The following RBBP8 variants were observed in gnomAD, a reference collection of about 807,000 sequenced individuals.
RBBP8 encodes DNA endonuclease RBBP8.
In RBBP8, 88 loss-of-function variants were observed where a neutral mutation model predicts 108.3. The observed-to-expected ratio is 0.81, with a 90% CI of 0.68 to 0.97. RBBP8 has a LOEUF of 0.97. RBBP8 is among the 50% of genes least tolerant of loss of function. The pLI is 0.00. For missense variants in RBBP8, 1,023 were observed against 1,049.0 expected, an observed-to-expected ratio of 0.98 and a Z score of 0.34; for synonymous variants, 332 against 348.2, an observed-to-expected ratio of 0.95 and a Z score of 0.52.
rs1303205284 is a variant in RBBP8, at chr18:22,993,446, A to G, written c.1619A>G (p.Asp540Gly). 14 of 1,614,264 alleles carry G rather than the reference A, an allele frequency of 8.7e-6. No individual in the cohort carries two copies. The highest frequency in any genetic ancestry group is 1.6e-4 in the Middle Eastern group (1 of 6,062). Residue 540 changes from aspartate (D) to glycine (G), a missense_variant, in exon 11 of 19, where the codon GAT (aspartate) becomes GGT (glycine). Transcript: ENST00000327155. The stretch of plus-strand genomic sequence containing the variant: ...TTTTCCTCAAGCCGTAAGGCCTCAG[A>G]TGGCAACTGCACGTTGCCCAAAGAT... ...KGFSSSRKAS[D>G]GNCTLPKDSP...
intron 12 of RBBP8, among the ~76,000 whole-genome samples, chr18:22,996,124 T>C (rs1385699481): frequency 6.6e-6 from 1 of 152,208 alleles, no homozygotes; most frequent in Non-Finnish European, 1.5e-5. Flanking sequence ...TGAGCATCCT[T>C]TCATGTTTAT....
intron 4 of RBBP8, among the ~76,000 whole-genome samples, chr18:22,953,159 AAGAGAGCTTTG>A (rs1255914040): frequency 6.6e-6 from 1 of 152,212 alleles, no homozygotes; most frequent in African/African-American, 2.4e-5. Flanking sequence ...CTGTACTTGT[AAGAGAGCTTTG>A]ACAAAGCTAA....
chr18:22,932,719 T>C (rs1027144179), upstream of RBBP8, among the ~76,000 whole-genome samples: 5 of 152,226 alleles, frequency 3.3e-5, no homozygotes, highest in Admixed American at 3.3e-4. Context: ...GAATACCTAC[T>C]ATCGGTTTGA....
intron 16 of RBBP8, among the ~76,000 whole-genome samples, chr18:23,007,804 GTT>G (rs567752393): frequency 6.7e-6 from 1 of 149,778 alleles, no homozygotes; most frequent in Non-Finnish European, 1.5e-5. Flanking sequence ...CTTTAAGCAT[GTT>G]TTGTTTTTTT....
In RBBP8 at chr18:22,993,709, T is replaced by C. The variant is rs1333764924; in HGVS notation, c.1813-12T>C. ...TGATTTCATTTAGAGCTAACAATTATTTCTGTTTTAGAGTGCTGGTTCTCA... is the reference window on the plus strand; with the variant it reads ...TGATTTCATTTAGAGCTAACAATTACTTCTGTTTTAGAGTGCTGGTTCTCA... On this transcript the variant is annotated splice_polypyrimidine_tract_variant and intron_variant, in intron 11 of 18. Coordinates refer to ENST00000327155, the MANE Select transcript of RBBP8 (RefSeq NM_002894.3). 3.1e-6 allele frequency: 5 copies of C among 1,614,084 alleles called. No homozygotes were observed. The African/African-American group carries it at 4.0e-5, about 13-fold the overall frequency.
chr18:22,992,944 G>C lies in RBBP8; in HGVS notation c.1117G>C (p.Glu373Gln). ...PFSNTCISRLEKTRSKSEDSA... is the reference protein window; with the variant it reads ...PFSNTCISRLQKTRSKSEDSA... ...TAGCAACACTTGTATATCTAGATTA[G>C]AAAAAACTAGATCAAAATCTGAAGA... Residue 373 changes from glutamate (E) to glutamine (Q), a missense_variant, in exon 11 of 19, where the codon GAA (glutamate) becomes CAA (glutamine). By Grantham distance (29) the Glu-to-Gln change is conservative (BLOSUM62 2). Coordinates refer to ENST00000327155, the MANE Select transcript of RBBP8 (RefSeq NM_002894.3). 1 of 1,613,198 alleles carries C rather than the reference G, an allele frequency of 6.2e-7. No homozygotes were observed. Among genetic ancestry groups the C allele is most frequent in the Admixed American group, 1.7e-5 (1 of 60,002 alleles).
intron 14 of RBBP8, among the ~76,000 whole-genome samples, chr18:22,999,862 A>G (rs76705476): frequency 9.0e-4 from 137 of 152,342 alleles, no homozygotes; most frequent in African/African-American, 3.1e-3. Context: ...CAAATCAAAC[A>G]AAAATAAATC....
chr18:23,025,553 G>A (rs573872001), intron 18 of RBBP8, among the ~76,000 whole-genome samples: 39 of 152,328 alleles, frequency 2.6e-4, no homozygotes, highest in African/African-American at 8.9e-4. Context: ...GTATGGCAGA[G>A]CAAATACTTC....
intron 2 of RBBP8, among the ~76,000 whole-genome samples, chr18:22,939,606 T>A (rs979075822): frequency 2.0e-5 from 3 of 152,182 alleles, no homozygotes; most frequent in African/African-American, 7.2e-5. Flanking sequence ...TAATGAGTTT[T>A]GAAATATGAA....
chr18:22,984,863 C>A (rs184681200), intron 7 of RBBP8, 23 bp from the exon 8 acceptor site: 740 of 1,338,498 alleles, frequency 5.5e-4, no homozygotes, highest in Admixed American at 1.5e-3. Context: ...ATTGTGTAAT[C>A]TCTTATTTTT....
At chr18:22,980,153 C>T (rs577783784) in intron 6 of RBBP8, among the ~76,000 whole-genome samples, 1 of 152,032 alleles carries the variant, frequency 6.6e-6, no homozygotes, top group East Asian at 1.9e-4. Flanking sequence ...GGCTGAGGCA[C>T]TAGAATCACT....
chr18:22,939,507 CAA>C (rs1910875094), intron 2 of RBBP8, among the ~76,000 whole-genome samples: 1 of 151,620 alleles, frequency 6.6e-6, no homozygotes, highest in Non-Finnish European at 1.5e-5. Context: ...CCCTGGGCAA[CAA>C]GAGCGAAACT....
rs756544632 is a variant in RBBP8 at position 23,006,437 on chromosome 18, G to T, written c.2357+5G>T. ...GTATTTTAAAGGTGATGAAAGGTAAGTTGGTTTTTATTTATACCAGCAATG... is the reference window on the plus strand; with the variant it reads ...GTATTTTAAAGGTGATGAAAGGTAATTTGGTTTTTATTTATACCAGCAATG... On this transcript the variant is annotated splice_donor_5th_base_variant and intron_variant, in intron 16 of 18. Coordinates refer to ENST00000327155, the MANE Select transcript of RBBP8 (RefSeq NM_002894.3). 1.1e-5 allele frequency: 17 copies of T among 1,609,114 alleles called. No homozygotes were observed. The highest frequency in any genetic ancestry group is 2.7e-5 in the African/African-American group (2 of 74,752).
chr18:22,933,228 G>A (rs1315545537), upstream of RBBP8: 3 of 152,210 alleles, frequency 2.0e-5, no homozygotes, highest in South Asian at 4.1e-4. Context: ...ATCGCCCTCC[G>A]GGATGGGCCG....
Position 22,994,717 on chromosome 18 carries a change from T to TTTA in RBBP8, c.1939+891_1939+893dup, listed in dbSNP as rs548679146. ...GCATCTTTTCATAATTTTGCTATAT[T>TTTA]TTATTATTATTATTATTATTATTTG... On this transcript the variant is annotated intron_variant, in intron 12 of 18. Coordinates refer to ENST00000327155, the MANE Select transcript of RBBP8 (RefSeq NM_002894.3). 2.7e-3 allele frequency among the ~76,000 whole-genome samples: 405 copies of TTTA among 150,944 alleles called. 3 individuals are homozygous for TTTA. Among genetic ancestry groups the TTTA allele is most frequent in the South Asian group, 0.024 (114 of 4,756 alleles).
intron 2 of RBBP8, among the ~76,000 whole-genome samples, chr18:22,941,363 G>A (rs1292021829): frequency 1.3e-5 from 2 of 151,978 alleles, no homozygotes; most frequent in African/African-American, 4.8e-5. Context: ...GTAGAGATGA[G>A]GTTTCACCAT....
At chr18:22,953,238 A>C (rs1315064307) in intron 4 of RBBP8, among the ~76,000 whole-genome samples, 1 of 152,194 alleles carries the variant, frequency 6.6e-6, no homozygotes, top group African/African-American at 2.4e-5. Context: ...GGATCTGACT[A>C]TGGGATGCCT....
chr18:22,996,799 C>G (rs1477226524), intron 13 of RBBP8, among the ~76,000 whole-genome samples: 1 of 152,132 alleles, frequency 6.6e-6, no homozygotes, highest in African/African-American at 2.4e-5. Context: ...GAATTCGAGA[C>G]CAGCCTGGGC....
intron 14 of RBBP8, among the ~76,000 whole-genome samples, 167 bp from the exon 15 acceptor site, chr18:23,001,419 A>T (rs549235144): frequency 6.6e-6 from 1 of 152,368 alleles, no homozygotes; most frequent in South Asian, 2.1e-4. Context: ...TTACACAGTT[A>T]CTAAGCTCAG....
Sources: allele counts gnomAD v4.1 joint callset (sites outside exome capture counted in the v4.1 genomes callset), GRCh38; gene constraint gnomAD v4.1.1; transcripts MANE v1.5; gene names NCBI Gene and HGNC (gene_info 2026-07-23, HGNC 2026-07-21).